The following CRISPLD2 variants were observed in gnomAD, a reference collection of about 807,000 sequenced individuals.
The protein encoded by CRISPLD2 is cysteine rich secretory protein LCCL domain containing 2.
CRISPLD2 carries 47 observed loss-of-function variants against 71.1 expected under a neutral mutation model. The observed-to-expected ratio is 0.66, with a 90% confidence interval of 0.52 to 0.84. CRISPLD2 has a LOEUF of 0.84. Among genes scored for constraint, CRISPLD2 ranks in the 40% least tolerant of loss-of-function variants. The pLI is 0.00. For missense variants in CRISPLD2, 830 were observed against 651.1 expected (o/e 1.27, Z -2.99); for synonymous variants, 317 against 250.1 (o/e 1.27, Z -2.52).
At chr16:84,854,622 C>G (rs1440909191) in intron 5 of CRISPLD2, 107 bp from the exon 6 acceptor site, 1 of 784,444 alleles carries the variant, frequency 1.3e-6, no homozygotes, top group South Asian at 1.5e-5. Flanking sequence ...TCCCCCCTGA[C>G]CTGTCAGTGG....
At chr16:84,854,640 C>G in intron 5 of CRISPLD2, 89 bp from the exon 6 acceptor site, 2 of 916,416 alleles carry the variant, frequency 2.2e-6, no homozygotes, top group Middle Eastern at 2.5e-4. Flanking sequence ...TGGCGGTGTT[C>G]AGGGACTCAC....
At position 84,866,925 on chromosome 16, in the gene CRISPLD2, G is replaced by T. The variant is rs755634959; in HGVS notation, c.738G>T (p.Thr246=). 2 of 1,613,968 alleles carry T rather than the reference G, an allele frequency of 1.2e-6. No individual in the cohort carries two copies. Among genetic ancestry groups the T allele is most frequent in the South Asian group, 1.1e-5 (1 of 91,072 alleles). The change falls in exon 7 of 15, where the codon ACG becomes ACT. Residue 246 remains threonine, a synonymous_variant. Transcript: ENST00000262424. ...AAACCTACACTCCAAAACCTGAAAC[G>T]GACGAGATGAATGAGGTGGAAACGG... The part of the protein sequence containing the change: ...REETYTPKPE[T]DEMNEVETAP...
intron 3 of CRISPLD2, among the ~76,000 whole-genome samples, chr16:84,847,143 A>G (rs1916936295): frequency 6.6e-6 from 1 of 152,236 alleles, no homozygotes; most frequent in African/African-American, 2.4e-5. Context: ...GGCTTTAGAC[A>G]GCCTCTTAAA....
At chr16:84,841,906 T>TTGC (rs1916781535) in intron 2 of CRISPLD2, 1 of 152,804 alleles carries the variant, frequency 6.5e-6, no homozygotes, top group South Asian at 2.1e-4. Flanking sequence ...TGAAACACTT[T>TTGC]TGCTGCTGTG....
intron 14 of CRISPLD2, among the ~76,000 whole-genome samples, chr16:84,896,558 G>C (rs918559040): frequency 6.6e-6 from 1 of 152,088 alleles, no homozygotes; most frequent in African/African-American, 2.4e-5. Flanking sequence ...TAACTTCCTT[G>C]TAAAATAGGC....
chr16:84,875,534 C>A (rs151081286), intron 11 of CRISPLD2, among the ~76,000 whole-genome samples: 5 of 149,264 alleles, frequency 3.3e-5, no homozygotes, highest in Admixed American at 2.0e-4. Flanking sequence ...AGATTAGACA[C>A]CCTTGCTTTT....
At position 84,890,284 on chromosome 16, in the gene CRISPLD2, G is replaced by A. The variant is rs573515300; in HGVS notation, c.1439+921G>A. ...TGAGGCAGGAGAATGGCGTGAACCC[G>A]GGAGGCGGAGCTTGCAGTGAGCTGA... On this transcript the variant is annotated intron_variant, in intron 14 of 14. Transcript: ENST00000262424. Among the ~76,000 whole-genome samples, 6 of 152,166 alleles carry A rather than the reference G, an allele frequency of 3.9e-5. No individual in the cohort carries two copies. In the South Asian group the frequency reaches 8.3e-4, roughly 21 times the overall value.
chr16:84,883,137 ATGAAGGAGGGAAGAG>A (rs2071582887), intron 13 of CRISPLD2, among the ~76,000 whole-genome samples: 1 of 152,198 alleles, frequency 6.6e-6, no homozygotes. Flanking sequence ...AAAATAAAGA[ATGAAGGAGGGAAGAG>A]GGAAGGAGGG....
chr16:84,887,731 C>T (rs147167506), intron 13 of CRISPLD2, among the ~76,000 whole-genome samples: 10 of 152,210 alleles, frequency 6.6e-5, no homozygotes, highest in African/African-American at 2.4e-4. Flanking sequence ...ACAAAATTAG[C>T]CAGACGTGGT....
At chr16:84,837,025 G>C (rs1567680834) in intron 1 of CRISPLD2, among the ~76,000 whole-genome samples, 1 of 152,202 alleles carries the variant, frequency 6.6e-6, no homozygotes, top group Non-Finnish European at 1.5e-5. Flanking sequence ...CTTGAGGCCA[G>C]GGACAGAGTC....
At chr16:84,871,672 C>G (rs1185708095) in intron 8 of CRISPLD2, among the ~76,000 whole-genome samples, 4 of 152,056 alleles carry the variant, frequency 2.6e-5, no homozygotes, top group Non-Finnish European at 5.9e-5. Context: ...CTGCCTCAGC[C>G]TCCCAAGTAG....
At chr16:84,871,230 A>G (rs1388117371) in intron 8 of CRISPLD2, among the ~76,000 whole-genome samples, 8 of 152,190 alleles carry the variant, frequency 5.3e-5, no homozygotes, top group African/African-American at 1.9e-4. Context: ...TTCCATGAAC[A>G]GCAACACCAT....
chr16:84,872,129 T>C (rs2071476178), intron 8 of CRISPLD2, among the ~76,000 whole-genome samples: 1 of 152,230 alleles, frequency 6.6e-6, no homozygotes, highest in South Asian at 2.1e-4. Context: ...TTAAAGCATA[T>C]GGGAAAAGAT....
At chr16:84,899,073 G>A (rs2071730947) in intron 14 of CRISPLD2, among the ~76,000 whole-genome samples, 1 of 152,024 alleles carries the variant, frequency 6.6e-6, no homozygotes, top group South Asian at 2.1e-4. Flanking sequence ...TTTTATTTTT[G>A]TAGAGACAGG....
chr16:84,854,470 AG>A (rs1243549172), intron 5 of CRISPLD2, among the ~76,000 whole-genome samples: 3 of 152,178 alleles, frequency 2.0e-5, no homozygotes, highest in African/African-American at 7.2e-5. Flanking sequence ...GCTGACAGCC[AG>A]CCAGGGCAAA....
intron 1 of CRISPLD2, among the ~76,000 whole-genome samples, chr16:84,832,216 G>C (rs1916505882): frequency 6.6e-6 from 1 of 152,232 alleles, no homozygotes; most frequent in Admixed American, 6.5e-5. Context: ...ACTGACTGGG[G>C]ACTGAAGTTC....
chr16:84,881,365 C>G (rs968678768), intron 13 of CRISPLD2, among the ~76,000 whole-genome samples: 2 of 152,132 alleles, frequency 1.3e-5, no homozygotes, highest in Non-Finnish European at 2.9e-5. Flanking sequence ...TGTTTTTTCC[C>G]TCCGAATTTT....
intron 1 of CRISPLD2, among the ~76,000 whole-genome samples, chr16:84,827,472 C>T (rs145024332): frequency 5.9e-4 from 90 of 152,148 alleles, no homozygotes; most frequent in Middle Eastern, 3.4e-3. Flanking sequence ...ATGGGCTTTT[C>T]GCCTGTCCTC....
intron 14 of CRISPLD2, among the ~76,000 whole-genome samples, chr16:84,893,867 C>T (rs560021477): frequency 6.6e-6 from 1 of 152,224 alleles, no homozygotes; most frequent in East Asian, 1.9e-4. Flanking sequence ...AGCCTGGAGT[C>T]AGAGGGTGGC....
Sources: gnomAD v4.1 joint callset for allele counts (sites outside exome capture counted in the v4.1 genomes callset) on GRCh38, gnomAD v4.1.1 for gene constraint, MANE v1.5 for transcripts, NCBI Gene and HGNC (gene_info 2026-07-23, HGNC 2026-07-21) for gene names.